The following NEIL2 variants were observed in gnomAD, a reference collection of about 807,000 sequenced individuals.
The protein encoded by NEIL2 is endonuclease 8-like 2.
Under a neutral mutation model 22.2 loss-of-function variants are expected in NEIL2, and 23 were observed. The ratio of observed to expected loss-of-function variants is 1.04; its 90% CI spans 0.75 to 1.47. The LOEUF (loss-of-function observed/expected upper bound fraction) is 1.47. NEIL2 is among the 40% of genes most tolerant of loss of function. The pLI, the probability that NEIL2 is intolerant of heterozygous loss-of-function variation, is 0.00. For missense variants in NEIL2, 583 were observed against 404.7 expected (o/e 1.44, Z -3.78); for synonymous variants, 229 against 164.8 (o/e 1.39, Z -2.99).
At position 11,779,600 on chromosome 8, in the gene NEIL2, C is replaced by G; in HGVS notation, c.141C>G (p.Val47=). 1 of 1,609,424 alleles carries G rather than the reference C, an allele frequency of 6.2e-7. No individual in the cohort carries two copies. The highest frequency in any genetic ancestry group is 8.5e-7 in the Non-Finnish European group (1 of 1,177,246). The change falls in exon 3 of 5, where the codon GTC becomes GTG. Residue 47 remains valine (V), a splice_region_variant and synonymous_variant. Transcript: ENST00000284503. The part of the protein sequence containing the change: ...LQSLWLQDTQ[V]HGKKLFLRFD... The stretch of plus-strand genomic sequence containing the variant: ...GGATCTCTGTTCATTTTTTCTAGGT[C>G]CATGGAAAGAAATTATTCCTTAGAT...
chr8:11,774,428 G>A (rs1005537789), intron 2 of NEIL2, among the ~76,000 whole-genome samples: 1 of 152,044 alleles, frequency 6.6e-6, no homozygotes, highest in African/African-American at 2.4e-5. Flanking sequence ...TTACTATCAC[G>A]AGAACAGCCC....
At chr8:11,778,290 G>GTTTTT (rs34908835) in intron 2 of NEIL2, among the ~76,000 whole-genome samples, 3 of 130,300 alleles carry the variant, frequency 2.3e-5, no homozygotes, top group Non-Finnish European at 4.9e-5. Context: ...TCCTTGCTCA[G>GTTTTT]TTTTTTTTTT....
At chr8:11,774,669 C>T (rs549520441) in intron 2 of NEIL2, among the ~76,000 whole-genome samples, 2 of 152,312 alleles carry the variant, frequency 1.3e-5, no homozygotes, top group South Asian at 2.1e-4. Context: ...GTTGCTTCCA[C>T]CTATGAGCCT....
At position 11,770,128 on chromosome 8, in the gene NEIL2, A is replaced by G. The variant is rs913280872; in HGVS notation, c.-210A>G. 3 of 151,982 alleles carry G rather than the reference A, an allele frequency of 2.0e-5. No individual in the cohort carries two copies. The highest frequency in any genetic ancestry group is 2.9e-5 in the Non-Finnish European group (2 of 68,030). The allele number at this position is 151,982 out of a possible 1,614,324, so 9.4% of individuals were successfully genotyped here. On this transcript the variant is annotated 5_prime_UTR_variant, in exon 1 of 5. Transcript: ENST00000284503. ...GGGAGGGCCGGAGGGTGGGCGCGGC[A>G]TCTTCAGCGACTCTTCGAAGTCCCT...
intron 4 of NEIL2, 33 bp from the exon 5 acceptor site, chr8:11,785,930 G>C (rs927292572): frequency 3.7e-6 from 6 of 1,603,254 alleles, no homozygotes; most frequent in African/African-American, 1.3e-5. Flanking sequence ...TGTGTCCTTT[G>C]TCCTTCCCTT....
chr8:11,779,044 G>A (rs1264746190), intron 2 of NEIL2, among the ~76,000 whole-genome samples: 4 of 151,412 alleles, frequency 2.6e-5, no homozygotes, highest in Non-Finnish European at 5.9e-5. Flanking sequence ...GATGAGGTGG[G>A]TCCTTTGCCT....
At chr8:11,783,484 C>T (rs1312843793) in intron 4 of NEIL2, 85 bp downstream of exon 4, 2 of 1,148,286 alleles carry the variant, frequency 1.7e-6, no homozygotes, top group Non-Finnish European at 2.6e-6. Flanking sequence ...CTGAGGGCCA[C>T]CCTAGTTGTG....
chr8:11,770,873 C>G (rs1803376574), intron 1 of NEIL2, among the ~76,000 whole-genome samples: 2 of 152,156 alleles, frequency 1.3e-5, no homozygotes, highest in Non-Finnish European at 2.9e-5. Context: ...CTATGCCGGG[C>G]TTACCTACGT....
chr8:11,775,604 T>G (rs1261343379), intron 2 of NEIL2, among the ~76,000 whole-genome samples: 1 of 152,222 alleles, frequency 6.6e-6, no homozygotes, highest in East Asian at 1.9e-4. Flanking sequence ...GAAAATGGGT[T>G]TTTCTTTTCT....
At position 11,770,080 on chromosome 8, in the gene NEIL2, A is replaced by G. The variant is rs554798263; in HGVS notation, c.-258A>G. On this transcript the variant is annotated 5_prime_UTR_variant, in exon 1 of 5. Coordinates refer to ENST00000284503, the MANE Select transcript of NEIL2 (RefSeq NM_145043.4). ...CCTGGCTGGCGCAGCGCCAGCCTCGAGCTCCTCGGTAGCCCCCGGGCAGGG... is the reference window on the plus strand; with the variant it reads ...CCTGGCTGGCGCAGCGCCAGCCTCGGGCTCCTCGGTAGCCCCCGGGCAGGG... 1 of 152,022 alleles carries G rather than the reference A, an allele frequency of 6.6e-6. No individual in the cohort carries two copies. The highest frequency in any genetic ancestry group is 2.1e-4 in the South Asian group (1 of 4,802). The allele number at this position is 152,022 out of a possible 1,614,324, so 9.4% of individuals were successfully genotyped here. A position where few individuals can be genotyped will look rare whatever the true frequency, so the allele number is the denominator to read the frequency against.
rs750375623 is a variant in NEIL2, at chr8:11,783,223, G to T, written c.512G>T (p.Gly171Val). Residue 171 changes from glycine (G) to valine (V), a missense_variant, in exon 4 of 5, where the codon GGT becomes GTT. Coordinates refer to ENST00000284503, the MANE Select transcript of NEIL2 (RefSeq NM_145043.4). ...CCCAGGTTGGTCCTGCACTTTGGTG[G>T]TGGTGGCTTCCTGGCATTTTATAAT... ...PSPRLVLHFG[G>V]GGFLAFYNCQ... 6.2e-7 allele frequency: 1 copy of T among 1,614,260 alleles called. No individual in the cohort carries two copies. Among genetic ancestry groups the T allele is most frequent in the East Asian group, 2.2e-5 (1 of 44,892 alleles).
chr8:11,779,540 A>G, intron 2 of NEIL2, 58 bp from the exon 3 acceptor site: 3 of 1,324,028 alleles, frequency 2.3e-6, no homozygotes, highest in East Asian at 4.6e-5. Flanking sequence ...AAATATCCGC[A>G]TTCCCCAGTT....
chr8:11,778,207 A>G (rs1174508504), intron 2 of NEIL2, among the ~76,000 whole-genome samples: 1 of 152,008 alleles, frequency 6.6e-6, no homozygotes, highest in Non-Finnish European at 1.5e-5. Context: ...TATTTTCATC[A>G]GAATTATATC....
rs750978776 is a variant in NEIL2 at position 11,779,927 on chromosome 8, G to T, written c.468G>T (p.Gly156=). Residue 156 remains glycine, a synonymous_variant, in exon 3 of 5, where the codon GGG becomes GGT. Transcript: ENST00000284503. The stretch of plus-strand genomic sequence containing the variant: ...GAGCCAAGAAAGCCAACAAGAGGGG[G>T]GACTGGAGGGACCCTTCCCCGAGGT... The part of the protein sequence containing the change: ...FSRAKKANKR[G]DWRDPSPRLV... 3 of 1,614,056 alleles carry T rather than the reference G, an allele frequency of 1.9e-6. No individual in the cohort carries two copies. Among genetic ancestry groups the T allele is most frequent in the Non-Finnish European group, 2.5e-6 (3 of 1,179,942 alleles).
chr8:11,771,971 G>C (rs567035032), intron 2 of NEIL2, among the ~76,000 whole-genome samples: 1 of 152,254 alleles, frequency 6.6e-6, no homozygotes, highest in East Asian at 1.9e-4. Context: ...TTGGGAGGCC[G>C]AGGCGGGTGG....
chr8:11,771,693 C>A, intron 2 of NEIL2, 108 bp downstream of exon 2: 1 of 1,134,486 alleles, frequency 8.8e-7, no homozygotes. Context: ...CCGGAACCAC[C>A]AAGCTCGGAC....
chr8:11,785,015 C>T (rs1421797161), intron 4 of NEIL2, among the ~76,000 whole-genome samples: 1 of 151,954 alleles, frequency 6.6e-6, no homozygotes, highest in Non-Finnish European at 1.5e-5. Flanking sequence ...ACTACAGGTG[C>T]ATGACATCAC....
At chr8:11,774,581 A>G (rs1473950155) in intron 2 of NEIL2, among the ~76,000 whole-genome samples, 5 of 152,132 alleles carry the variant, frequency 3.3e-5, no homozygotes, top group Non-Finnish European at 7.4e-5. Context: ...TGCCTTCCCA[A>G]CAGTCCCCAA....
chr8:11,774,937 G>T (rs1346420103), intron 2 of NEIL2, among the ~76,000 whole-genome samples: 1 of 152,236 alleles, frequency 6.6e-6, no homozygotes, highest in Non-Finnish European at 1.5e-5. Flanking sequence ...CTTTGGTAGG[G>T]TACAGTCCGT....
Sources: allele counts gnomAD v4.1 joint callset (sites outside exome capture counted in the v4.1 genomes callset), GRCh38; gene constraint gnomAD v4.1.1; transcripts MANE v1.5; gene names NCBI Gene and HGNC (gene_info 2026-07-23, HGNC 2026-07-21).